The following GPC3 variants were observed in gnomAD, a reference collection of about 807,000 sequenced individuals.
GPC3 encodes glypican-3.
Under a neutral mutation model 34.4 loss-of-function variants are expected in GPC3, and 3 were observed. The observed-to-expected ratio is 0.09, with a 90% confidence interval of 0.04 to 0.23. GPC3 has a LOEUF of 0.23. GPC3 is among the 10% of genes least tolerant of loss of function. The pLI is 1.00. For synonymous variants in GPC3, 177 were observed against 174.0 expected (o/e 1.02, Z -0.13); for missense variants, 351 against 445.6 (o/e 0.79, Z 1.91).
intron 2 of GPC3, among the ~76,000 whole-genome samples, chrX:133,769,980 A>G (rs993634930): frequency 3.6e-5 from 4 of 112,567 alleles, no homozygotes; most frequent in African/African-American, 1.3e-4. Flanking sequence ...GTATTGTACT[A>G]TAAAACAATC....
intron 1 of GPC3, among the ~76,000 whole-genome samples, chrX:133,955,596 A>C (rs1253418203): frequency 8.9e-6 from 1 of 111,878 alleles, no homozygotes; most frequent in Admixed American, 9.5e-5. Flanking sequence ...ACGACTTTGA[A>C]CAAGAGAAAT....
chrX:133,845,863 A>T (rs1259593994), intron 2 of GPC3, among the ~76,000 whole-genome samples: 1 of 111,603 alleles, frequency 9.0e-6, no homozygotes, highest in East Asian at 2.8e-4. Flanking sequence ...TTTTTCATTG[A>T]CCAATCCTCC....
At chrX:133,760,606 T>G (rs181046967) in intron 2 of GPC3, among the ~76,000 whole-genome samples, 50 of 111,518 alleles carry the variant, frequency 4.5e-4, no homozygotes, top group African/African-American at 1.4e-3. Context: ...GATCAATGGT[T>G]GTCAGGGATT....
chrX:133,634,128 A>G (rs978258874), intron 6 of GPC3, among the ~76,000 whole-genome samples: 2 of 112,071 alleles, frequency 1.8e-5, no homozygotes, highest in African/African-American at 6.5e-5. Context: ...CCACAATGAG[A>G]TACCACTACA....
chrX:133,832,324 A>T, intron 2 of GPC3, among the ~76,000 whole-genome samples: 1 of 109,539 alleles, frequency 9.1e-6, no homozygotes, highest in East Asian at 2.8e-4. Context: ...AGAGCTTACT[A>T]CCGGTGAGGC....
chrX:133,896,196 C>T (rs1431555722), intron 2 of GPC3, among the ~76,000 whole-genome samples: 1 of 110,900 alleles, frequency 9.0e-6, no homozygotes, highest in Non-Finnish European at 1.9e-5. Context: ...ACCCCGTCTA[C>T]TAAAAATAGA....
intron 3 of GPC3, among the ~76,000 whole-genome samples, chrX:133,745,179 G>T (rs763669253): frequency 8.9e-6 from 1 of 111,945 alleles, no homozygotes; most frequent in South Asian, 3.8e-4. Context: ...GGCATTGTTG[G>T]CTCCCTCACT....
intron 2 of GPC3, among the ~76,000 whole-genome samples, chrX:133,842,162 C>T (rs2075827797): frequency 9.1e-6 from 1 of 109,671 alleles, no homozygotes; most frequent in Non-Finnish European, 1.9e-5. Flanking sequence ...ACTAAAAATA[C>T]AAAAATTAGC....
intron 7 of GPC3, among the ~76,000 whole-genome samples, chrX:133,554,302 G>A (rs1223655121): frequency 2.0e-5 from 2 of 102,014 alleles, no homozygotes; most frequent in African/African-American, 3.7e-5. Flanking sequence ...GTGAGCCACT[G>A]TATCTGGCAA....
chrX:133,554,022 T>TC (rs2069461854), intron 7 of GPC3, among the ~76,000 whole-genome samples: 1 of 88,236 alleles, frequency 1.1e-5, no homozygotes, highest in Admixed American at 1.1e-4. Flanking sequence ...CTCTCTCTCT[T>TC]TTTTTTTTTT....
At chrX:133,874,143 T>C (rs1313581233) in intron 2 of GPC3, among the ~76,000 whole-genome samples, 1 of 112,204 alleles carries the variant, frequency 8.9e-6, no homozygotes, top group African/African-American at 3.2e-5. Flanking sequence ...TATTCTCACC[T>C]GCTTTAACTT....
chrX:133,824,757 G>A (rs546081275), intron 2 of GPC3, among the ~76,000 whole-genome samples: 1 of 110,323 alleles, frequency 9.1e-6, no homozygotes, highest in East Asian at 2.8e-4. Context: ...ATATACCTGT[G>A]TCCACAAAAA....
chrX:133,945,873 A>G (rs1178100840), intron 2 of GPC3, among the ~76,000 whole-genome samples: 2 of 112,158 alleles, frequency 1.8e-5, no homozygotes, highest in Admixed American at 1.9e-4. Flanking sequence ...GGCATTTTGT[A>G]TTTTTTATTT....
chrX:133,911,862 G>A (rs1263645307), intron 2 of GPC3, among the ~76,000 whole-genome samples: 1 of 111,857 alleles, frequency 8.9e-6, no homozygotes, highest in Non-Finnish European at 1.9e-5. Flanking sequence ...TGGTGATCCT[G>A]TCACAGCCTT....
In GPC3 at chrX:133,820,328, A is replaced by AT. The variant is rs769600745; in HGVS notation, c.338-66153dup. Among the ~76,000 whole-genome samples, 47 of 112,360 alleles carry AT rather than the reference A, an allele frequency of 4.2e-4. 1 individual carries two copies. Among genetic ancestry groups the AT allele is most frequent in the Non-Finnish European group, 8.1e-4 (43 of 53,270 alleles). ...ATTTTTCTACTAGTGCTGCTAATGC[A>AT]TTTTTTCTTGCAAATTAGTGCAATA... On this transcript the variant is annotated intron_variant, in intron 2 of 7. Transcript: ENST00000370818.
At chrX:133,985,053 T>TGG (rs2076560277) in intron 1 of GPC3, among the ~76,000 whole-genome samples, 2 of 111,722 alleles carry the variant, frequency 1.8e-5, no homozygotes, top group Non-Finnish European at 3.8e-5. Flanking sequence ...ACACCTTCCC[T>TGG]GACAGCAGCG....
At chrX:133,606,783 C>T (rs908795780) in intron 6 of GPC3, among the ~76,000 whole-genome samples, 16 of 111,690 alleles carry the variant, frequency 1.4e-4, no homozygotes, top group African/African-American at 3.9e-4. Flanking sequence ...TATAATAATA[C>T]TTGTATCCAT....
chrX:133,615,345 A>T (rs1183760063), intron 6 of GPC3, among the ~76,000 whole-genome samples: 1 of 112,086 alleles, frequency 8.9e-6, no homozygotes, highest in African/African-American at 3.2e-5. Flanking sequence ...ATTATACACC[A>T]TAACCAAGTA....
intron 2 of GPC3, among the ~76,000 whole-genome samples, chrX:133,821,132 A>G (rs1603253957): frequency 8.9e-6 from 1 of 112,093 alleles, no homozygotes; most frequent in African/African-American, 3.2e-5. Flanking sequence ...ATTTTTTTCA[A>G]CACCTGGTGA....
Sources: allele counts gnomAD v4.1 joint callset (sites outside exome capture counted in the v4.1 genomes callset), GRCh38; gene constraint gnomAD v4.1.1; transcripts MANE v1.5; gene names NCBI Gene and HGNC (gene_info 2026-07-23, HGNC 2026-07-21).